The following PCF11 variants were observed in gnomAD, a reference collection of about 807,000 sequenced individuals.
PCF11 encodes the protein PCF11 cleavage and polyadenylation factor subunit, also known as pre-mRNA cleavage complex 2 protein Pcf11.
Under a neutral mutation model 166.1 loss-of-function variants are expected in PCF11, and 19 were observed. That is an observed-to-expected ratio of 0.11 (90% confidence interval 0.08 to 0.17). The LOEUF is 0.17. Among genes scored for constraint, PCF11 ranks in the 10% least tolerant of loss-of-function variants. The pLI, the probability that PCF11 is intolerant of heterozygous loss-of-function variation, is 1.00. For synonymous variants in PCF11, 663 were observed against 644.1 expected (o/e 1.03, Z -0.44); for missense variants, 1,565 against 1,855.5 (o/e 0.84, Z 2.88).
At chr11:83,183,297 T>C (rs1321345480) in intron 15 of PCF11, among the ~76,000 whole-genome samples, 1 of 152,206 alleles carries the variant, frequency 6.6e-6, no homozygotes, top group African/African-American at 2.4e-5. Flanking sequence ...CAATTAAAAT[T>C]TTGAAATTTA....
intron 9 of PCF11, among the ~76,000 whole-genome samples, chr11:83,176,687 G>T (rs759751578): frequency 2.6e-5 from 4 of 152,132 alleles, no homozygotes; most frequent in Admixed American, 6.5e-5. Flanking sequence ...GCACAGTCGG[G>T]GGGTGGGGGG....
intron 11 of PCF11, 107 bp downstream of exon 11, chr11:83,177,926 C>T: frequency 4.9e-6 from 2 of 411,470 alleles, no homozygotes; most frequent in Non-Finnish European, 8.6e-6. Flanking sequence ...ATCCCTTTTA[C>T]TGTTTTAACA....
At chr11:83,177,239 CTTCA>C (rs1218534203) in intron 10 of PCF11, 35 bp downstream of exon 10, 9 of 1,471,030 alleles carry the variant, frequency 6.1e-6, no homozygotes, top group Non-Finnish European at 8.2e-6. Context: ...TTACACAAAG[CTTCA>C]TTAAGTTTTT....
In PCF11 at chr11:83,181,254, A is replaced by ATTAATTTTAATAATTATTAAAAT. The variant is rs1265515196; in HGVS notation, c.4167+75_4167+97dup. 3.7e-5 allele frequency: 20 copies of ATTAATTTTAATAATTATTAAAAT among 547,152 alleles called. No homozygotes were observed. The South Asian group carries it at 6.7e-4, about 18-fold the overall frequency. The allele number at this position is 547,152 out of a possible 1,614,324, so 33.9% of individuals were successfully genotyped here. A position where few individuals can be genotyped will look rare whatever the true frequency, so the allele number is the denominator to read the frequency against. On this transcript the variant is annotated intron_variant, in intron 12 of 15. Transcript: ENST00000298281. ...TTAAATTATATCATTCTAAAAGTATATTAATTTTAATAATTATTAAAATTT... is the reference window on the plus strand; with the variant it reads ...TTAAATTATATCATTCTAAAAGTATATTAATTTTAATAATTATTAAAATTTAATTTTAATAATTATTAAAATTT...
chr11:83,174,291 C>T (rs942769565), intron 9 of PCF11, among the ~76,000 whole-genome samples: 7 of 152,066 alleles, frequency 4.6e-5, no homozygotes, highest in African/African-American at 1.4e-4. Context: ...GTTCATTTTT[C>T]AGACATATAT....
chr11:83,177,352 A>G (rs1263812411), intron 10 of PCF11, 148 bp downstream of exon 10: 1 of 649,706 alleles, frequency 1.5e-6, no homozygotes, highest in African/African-American at 1.9e-5. Context: ...TCGGTTTATA[A>G]TGAAATTCTT....
intron 9 of PCF11, among the ~76,000 whole-genome samples, chr11:83,176,133 CT>C (rs1860870924): frequency 6.6e-6 from 1 of 152,112 alleles, no homozygotes; most frequent in African/African-American, 2.4e-5. Context: ...TTCCAGTGTA[CT>C]TAGAAGATGA....
In PCF11 at chr11:83,181,769, A is replaced by G. The variant is rs1861095399; in HGVS notation, c.4168-85A>G. The stretch of plus-strand genomic sequence containing the variant: ...ATAATGTAGAAAATAGTATACCCCT[A>G]CCTTTAAATGGCATTATATTGAAGA... On this transcript the variant is annotated intron_variant, in intron 12 of 15. Coordinates refer to ENST00000298281, the Ensembl canonical transcript of PCF11. The G allele has an allele frequency of 2.4e-5, 21 of 868,636 alleles. No homozygotes were observed. The South Asian group carries it at 4.2e-4, about 18-fold the overall frequency. 53.8% of individuals were successfully genotyped at this position (868,636 alleles called of 1,614,324 possible). A position where few individuals can be genotyped will look rare whatever the true frequency, so the allele number is the denominator to read the frequency against.
intron 9 of PCF11, among the ~76,000 whole-genome samples, chr11:83,172,329 G>GC (rs1565158093): frequency 6.6e-6 from 1 of 152,170 alleles, no homozygotes; most frequent in Non-Finnish European, 1.5e-5. Flanking sequence ...GCAAAAAGCG[G>GC]CTTTCCTAGC....
At chr11:83,160,321 G>GTTTTTTTTTTTTTTTT (rs35201107) in intron 1 of PCF11, among the ~76,000 whole-genome samples, 10 of 91,268 alleles carry the variant, frequency 1.1e-4, no homozygotes, top group African/African-American at 1.3e-4. Flanking sequence ...GATAACCTAA[G>GTTTTTTTTTTTTTTTT]TTTTTTTTTT....
chr11:83,173,719 C>CTTTTTTTTTTTTTT (rs869126679), intron 9 of PCF11, among the ~76,000 whole-genome samples: 2 of 59,060 alleles, frequency 3.4e-5, no homozygotes, highest in East Asian at 6.6e-4. Context: ...TTCTTTCTTT[C>CTTTTTTTTTTTTTT]TTTTTTTTTT....
exon 11 of PCF11, chr11:83,177,751 G>A: frequency 6.5e-7 from 1 of 1,544,458 alleles, no homozygotes. Flanking sequence ...CCCCTGAAGA[G>A]GAGGAAGATC....
At chr11:83,157,655 C>A in intron 1 of PCF11, 24 bp downstream of exon 1, 1 of 1,597,248 alleles carries the variant, frequency 6.3e-7, no homozygotes. Flanking sequence ...CCGCAGCCTC[C>A]TATTACTTCT....
At position 83,165,927 on chromosome 11, in the gene PCF11, GA is replaced by G; in HGVS notation, c.1036del (p.Ser346ValfsTer7). 6.2e-7 allele frequency: 1 copy of G among 1,607,438 alleles called. No individual in the cohort carries two copies. The highest frequency in any genetic ancestry group is 8.5e-7 in the Non-Finnish European group (1 of 1,177,728). On this transcript the variant is annotated frameshift_variant, in exon 5 of 16. Transcript: ENST00000298281. LOFTEE classifies it high-confidence loss of function. The stretch of plus-strand genomic sequence containing the variant: ...TGAAAAACTAAATTCATCCAAGCAA[GA>G]AAAAAGTAAATCAGGTGAAAAAATA...
At chr11:83,170,076 T>C (rs377360281) in intron 8 of PCF11, 81 bp downstream of exon 8, 1 of 1,179,934 alleles carries the variant, frequency 8.5e-7, no homozygotes, top group African/African-American at 1.5e-5. Context: ...TTTCAGGACA[T>C]AGTTTATTGT....
intron 11 of PCF11, among the ~76,000 whole-genome samples, chr11:83,179,900 A>G (rs1354044434): frequency 6.6e-6 from 1 of 151,800 alleles, no homozygotes; most frequent in Non-Finnish European, 1.5e-5. Context: ...CCTGGGTGAC[A>G]GAGCGCGAGA....
At chr11:83,159,233 C>T (rs1166007343) in intron 1 of PCF11, among the ~76,000 whole-genome samples, 1 of 151,880 alleles carries the variant, frequency 6.6e-6, no homozygotes, top group Non-Finnish European at 1.5e-5. Context: ...AAAAAGGAAG[C>T]ATTCGTCATA....
exon 16 of PCF11, chr11:83,185,652 A>G (rs1323374567): frequency 6.6e-6 from 1 of 152,608 alleles, no homozygotes; most frequent in African/African-American, 2.4e-5. Flanking sequence ...ATGCAGATGA[A>G]CATATTTCTA....
intron 12 of PCF11, 101 bp downstream of exon 12, chr11:83,181,292 G>A (rs1410380889): frequency 2.7e-6 from 1 of 364,252 alleles, no homozygotes; most frequent in South Asian, 1.3e-4. Flanking sequence ...TTTTAATTAA[G>A]TAATTTAATA....
Sources: gnomAD v4.1 joint callset for allele counts (sites outside exome capture counted in the v4.1 genomes callset) on GRCh38, gnomAD v4.1.1 for gene constraint, MANE v1.5 for transcripts, NCBI Gene and HGNC (gene_info 2026-07-23, HGNC 2026-07-21) for gene names.